The following NCKAP5 variants were observed in gnomAD, a reference collection of about 807,000 sequenced individuals.
The protein encoded by NCKAP5 is nck-associated protein 5.
NCKAP5 carries 92 observed loss-of-function variants against 167.0 expected under a neutral mutation model. The ratio of observed to expected loss-of-function variants is 0.55; its 90% confidence interval spans 0.47 to 0.66. The LOEUF (loss-of-function observed/expected upper bound fraction) is 0.66. NCKAP5 is among the 30% of genes least tolerant of loss of function. The pLI, the probability that NCKAP5 is intolerant of heterozygous loss-of-function variation, is 0.00. For missense variants in NCKAP5, 2,378 were observed against 2,315.0 expected (o/e 1.03, Z -0.56); for synonymous variants, 891 against 877.4 (o/e 1.02, Z -0.27).
chr2:132,883,973 G>C (rs538771931), intron 8 of NCKAP5, among the ~76,000 whole-genome samples: 1 of 152,128 alleles, frequency 6.6e-6, no homozygotes, highest in Admixed American at 6.5e-5. Flanking sequence ...GAAAACTCCC[G>C]GAAAAAGTCT....
intron 6 of NCKAP5, among the ~76,000 whole-genome samples, chr2:133,127,057 G>GA (rs796448007): frequency 6.6e-6 from 1 of 150,836 alleles, no homozygotes; most frequent in Admixed American, 6.6e-5. Context: ...TGGCCCAAGA[G>GA]AAAAAAAGAA....
chr2:133,073,569 G>T (rs1198375248), intron 6 of NCKAP5, among the ~76,000 whole-genome samples: 1 of 152,120 alleles, frequency 6.6e-6, no homozygotes, highest in African/African-American at 2.4e-5. Flanking sequence ...CAGAAGGGAA[G>T]GTGAAACTCA....
chr2:132,787,823 C>T (rs1346953651), intron 13 of NCKAP5, among the ~76,000 whole-genome samples: 6 of 152,138 alleles, frequency 3.9e-5, no homozygotes, highest in African/African-American at 1.4e-4. Flanking sequence ...TTCCATGATC[C>T]TGATAGTCAT....
At chr2:133,413,615 T>G (rs970394636) in intron 3 of NCKAP5, among the ~76,000 whole-genome samples, 2 of 151,958 alleles carry the variant, frequency 1.3e-5, no homozygotes, top group African/African-American at 4.8e-5. Context: ...AAAAAAAAAT[T>G]TAATGAGCTA....
At chr2:133,475,574 C>T (rs1679808978) in intron 3 of NCKAP5, among the ~76,000 whole-genome samples, 1 of 152,140 alleles carries the variant, frequency 6.6e-6, no homozygotes, top group African/African-American at 2.4e-5. Context: ...TAAAGGTAAA[C>T]TCTATTAGAA....
At position 132,784,935 on chromosome 2, in the gene NCKAP5, A is replaced by G. The variant is rs201000665; in HGVS notation, c.1876T>C (p.Ser626Pro). 5.4e-4 allele frequency: 864 copies of G among 1,598,780 alleles called. 13 individuals carry two copies. The South Asian group carries it at 6.3e-3, about 12-fold the overall frequency. ...TCCTCTTCAGGAGACCCACATAGAG[A>G]TTTTCCAAACCCCACAAGGACATCC... ...NLDVLVGFGK[S>P]LCGSPEEEEK... The change falls in exon 14 of 20, where the codon TCT (serine) becomes CCT (proline). Residue 626 changes from serine (S) to proline (P), a missense_variant. Transcript: ENST00000409261.
chr2:132,990,907 A>G (rs2077430661), intron 7 of NCKAP5, among the ~76,000 whole-genome samples: 1 of 152,262 alleles, frequency 6.6e-6, no homozygotes, highest in Non-Finnish European at 1.5e-5. Flanking sequence ...AAGAAAGTAC[A>G]TGAAAAACTG....
At chr2:133,219,248 C>A (rs2086558005) in intron 4 of NCKAP5, among the ~76,000 whole-genome samples, 1 of 152,212 alleles carries the variant, frequency 6.6e-6, no homozygotes, top group South Asian at 2.1e-4. Flanking sequence ...CCAACCCCAG[C>A]CCGGCTGCTA....
chr2:133,329,233 A>G (rs1165376847), intron 3 of NCKAP5, among the ~76,000 whole-genome samples: 1 of 152,052 alleles, frequency 6.6e-6, no homozygotes, highest in Admixed American at 6.5e-5. Context: ...CTTATTAGCT[A>G]TTCCCACCTC....
At chr2:133,367,772 A>G (rs1192477680) in intron 3 of NCKAP5, among the ~76,000 whole-genome samples, 2 of 152,226 alleles carry the variant, frequency 1.3e-5, no homozygotes, top group Non-Finnish European at 2.9e-5. Flanking sequence ...GATGAATTAA[A>G]TAAAAATTTA....
At chr2:133,426,002 T>C (rs1045611515) in intron 3 of NCKAP5, among the ~76,000 whole-genome samples, 3 of 152,178 alleles carry the variant, frequency 2.0e-5, no homozygotes, top group African/African-American at 7.2e-5. Context: ...CCAGGCACGG[T>C]GGCTCATGCC....
At chr2:133,067,996 C>T (rs1360650992) in intron 6 of NCKAP5, among the ~76,000 whole-genome samples, 20 of 152,122 alleles carry the variant, frequency 1.3e-4, no homozygotes, top group African/African-American at 4.6e-4. Flanking sequence ...TAATAAGAGT[C>T]ATGAACTTGG....
At chr2:133,452,176 T>C (rs1691588463) in intron 3 of NCKAP5, among the ~76,000 whole-genome samples, 1 of 152,196 alleles carries the variant, frequency 6.6e-6, no homozygotes, top group Admixed American at 6.5e-5. Context: ...CCATGTCAAA[T>C]GCAGCCTCCT....
At chr2:133,245,097 C>A (rs1447593338) in intron 4 of NCKAP5, among the ~76,000 whole-genome samples, 1 of 152,056 alleles carries the variant, frequency 6.6e-6, no homozygotes, top group Non-Finnish European at 1.5e-5. Context: ...TAAACTGGTA[C>A]AAACACTTTG....
At chr2:133,031,780 C>A (rs1438455010) in intron 6 of NCKAP5, among the ~76,000 whole-genome samples, 1 of 152,122 alleles carries the variant, frequency 6.6e-6, no homozygotes, top group African/African-American at 2.4e-5. Context: ...GGCTGAGCCA[C>A]AGCAGGATAC....
intron 3 of NCKAP5, among the ~76,000 whole-genome samples, chr2:133,326,730 G>A (rs1038752784): frequency 6.6e-6 from 1 of 152,038 alleles, no homozygotes. Context: ...CAGCTTTGAC[G>A]TCACTCTCAG....
At chr2:133,313,092 G>A (rs1445144351) in intron 3 of NCKAP5, among the ~76,000 whole-genome samples, 1 of 152,106 alleles carries the variant, frequency 6.6e-6, no homozygotes, top group Non-Finnish European at 1.5e-5. Flanking sequence ...CCTAAAGAAT[G>A]CCCTTCCCAC....
At chr2:133,512,437 T>C (rs75310504) in intron 3 of NCKAP5, among the ~76,000 whole-genome samples, 199 of 152,318 alleles carry the variant, frequency 1.3e-3, no homozygotes, top group African/African-American at 4.6e-3. Flanking sequence ...GCCATTACAA[T>C]CCAGCCTAGT....
intron 8 of NCKAP5, among the ~76,000 whole-genome samples, chr2:132,935,930 A>AATG (rs1273375730): frequency 2.0e-5 from 3 of 152,200 alleles, no homozygotes; most frequent in Non-Finnish European, 2.9e-5. Context: ...GTTAATCAGG[A>AATG]ATGATAATTC....
Sources: allele counts gnomAD v4.1 joint callset (sites outside exome capture counted in the v4.1 genomes callset), GRCh38; gene constraint gnomAD v4.1.1; transcripts MANE v1.5; gene names NCBI Gene and HGNC (gene_info 2026-07-23, HGNC 2026-07-21).